The following GRM5 variants were observed in gnomAD, a reference collection of about 807,000 sequenced individuals.
GRM5 encodes glutamate metabotropic receptor 5.
In GRM5, 19 loss-of-function variants were observed where a neutral mutation model predicts 83.1. The observed-to-expected ratio is 0.23, with a 90% CI of 0.16 to 0.34. The LOEUF is 0.34. Among genes scored for constraint, GRM5 ranks in the 10% least tolerant of loss-of-function variants. The pLI is 1.00. For missense variants in GRM5, 1,160 were observed against 1,588.3 expected (o/e 0.73, Z 4.58); for synonymous variants, 675 against 633.6 (o/e 1.07, Z -0.98).
At chr11:88,969,208 CTT>C (rs892250195) in intron 2 of GRM5, among the ~76,000 whole-genome samples, 2 of 151,918 alleles carry the variant, frequency 1.3e-5, no homozygotes, top group Admixed American at 6.6e-5. Flanking sequence ...AACACCTATG[CTT>C]TAAAAAATTT....
chr11:88,598,561 AT>A (rs963333324), intron 5 of GRM5, among the ~76,000 whole-genome samples: 2 of 152,246 alleles, frequency 1.3e-5, no homozygotes, highest in Admixed American at 6.5e-5. Flanking sequence ...TAAATCAAAA[AT>A]ACCAATTTAT....
intron 2 of GRM5, among the ~76,000 whole-genome samples, chr11:89,032,867 T>G (rs114201810): frequency 0.016 from 2,366 of 152,184 alleles, 61 homozygotes; most frequent in African/African-American, 0.053. Context: ...GATCTGAAAC[T>G]TAATGAATAT....
At chr11:88,791,993 G>A (rs528624736) in intron 3 of GRM5, among the ~76,000 whole-genome samples, 58 of 152,172 alleles carry the variant, frequency 3.8e-4, no homozygotes, top group African/African-American at 1.3e-3. Context: ...CTAGGTCAAT[G>A]TAAAAGCTAG....
At position 88,593,221 on chromosome 11, in the gene GRM5, T is replaced by C. The variant is rs1005726857; in HGVS notation, c.1564-2494A>G. On this transcript the variant is annotated intron_variant, in intron 6 of 9. Coordinates refer to ENST00000305447, the MANE Select transcript of GRM5 (RefSeq NM_001143831.3). Reference sequence around the variant, plus strand: ...AGTTTACAAACTCTGGAAAATGCCATGAGATGTTGATATCATGAATGAAAT... The same window carrying C: ...AGTTTACAAACTCTGGAAAATGCCACGAGATGTTGATATCATGAATGAAAT... 2.6e-5 allele frequency among the ~76,000 whole-genome samples: 4 copies of C among 152,106 alleles called. No individual in the cohort carries two copies. The East Asian group carries it at 7.7e-4, about 29-fold the overall frequency.
At chr11:88,573,372 G>C (rs1211080152) in intron 7 of GRM5, among the ~76,000 whole-genome samples, 1 of 152,128 alleles carries the variant, frequency 6.6e-6, no homozygotes, top group Admixed American at 6.6e-5. Flanking sequence ...TAGTTTTGCA[G>C]TATTAATATT....
At chr11:88,827,005 C>T (rs12280769) in intron 3 of GRM5, among the ~76,000 whole-genome samples, 3,880 of 152,230 alleles carry the variant, frequency 0.025, 172 homozygotes, top group African/African-American at 0.089. Flanking sequence ...CAAGATTCTA[C>T]TGTAGGAAGC....
At chr11:88,891,597 A>G (rs1308173072) in intron 2 of GRM5, among the ~76,000 whole-genome samples, 2 of 4,002 alleles carry the variant, frequency 5.0e-4, no homozygotes. Flanking sequence ...TGGGATTTCT[A>G]AAATTCTAAT....
At chr11:88,772,576 T>C (rs1942761661) in intron 3 of GRM5, among the ~76,000 whole-genome samples, 1 of 152,078 alleles carries the variant, frequency 6.6e-6, no homozygotes, top group Admixed American at 6.6e-5. Context: ...ATTAGGTAGT[T>C]CTCCTAATGC....
At chr11:88,986,675 C>T (rs1337528075) in intron 2 of GRM5, among the ~76,000 whole-genome samples, 1 of 146,304 alleles carries the variant, frequency 6.8e-6, no homozygotes, top group East Asian at 2.0e-4. Context: ...TTGCTTGTTT[C>T]CTTTGCTGTA....
chr11:88,901,587 C>T (rs550163558), intron 2 of GRM5, among the ~76,000 whole-genome samples: 1 of 152,174 alleles, frequency 6.6e-6, no homozygotes, highest in Admixed American at 6.5e-5. Context: ...TAGGCTATGC[C>T]CCTTCATGTT....
At chr11:88,540,848 G>A (rs751872894) in intron 8 of GRM5, among the ~76,000 whole-genome samples, 2 of 151,906 alleles carry the variant, frequency 1.3e-5, no homozygotes, top group Non-Finnish European at 2.9e-5. Context: ...CTGGGTTCAC[G>A]CCATTCTCCT....
intron 7 of GRM5, among the ~76,000 whole-genome samples, chr11:88,590,134 A>C (rs16914284): frequency 0.018 from 2,722 of 152,324 alleles, 83 homozygotes; most frequent in African/African-American, 0.061. Context: ...AAAGCATATT[A>C]GTTGGAGACT....
At chr11:88,731,119 A>G (rs1361030579) in intron 3 of GRM5, among the ~76,000 whole-genome samples, 1 of 152,100 alleles carries the variant, frequency 6.6e-6, no homozygotes, top group Non-Finnish European at 1.5e-5. Context: ...TCCACAAAAA[A>G]TGCCATTTTT....
chr11:88,893,367 G>T (rs1172455426), intron 2 of GRM5, among the ~76,000 whole-genome samples: 1 of 151,990 alleles, frequency 6.6e-6, no homozygotes, highest in East Asian at 1.9e-4. Context: ...GAAGATTTGA[G>T]CATGTTATAG....
chr11:88,906,581 G>A (rs1014588152), intron 2 of GRM5, among the ~76,000 whole-genome samples: 1 of 152,026 alleles, frequency 6.6e-6, no homozygotes, highest in Non-Finnish European at 1.5e-5. Flanking sequence ...AATAGATGTT[G>A]GTAAGGTTTT....
rs761228941 is a variant in GRM5, at chr11:88,567,144, C to T, written c.2539G>A (p.Val847Ile). The part of the protein sequence containing the change: ...FTTSTVVRMH[V>I]GDGKSSSAAS... ...GCGGAGGATGACTTGCCATCCCCTA[C>T]ATGCATGCGCACCACGGTAGATGTG... Residue 847 changes from valine (V) to isoleucine (I), a missense_variant, in exon 8 of 10, where the codon GTA becomes ATA. Physicochemically the swap from Val to Ile is conservative, Grantham distance 29. Coordinates refer to ENST00000305447, the MANE Select transcript of GRM5 (RefSeq NM_001143831.3). This position sits in a 1 kb window ranked among gnomAD's most constrained non-coding sequence, Gnocchi z 7.3. The T allele has an allele frequency of 6.2e-6, 10 of 1,613,990 alleles. No individual in the cohort carries two copies. The highest frequency in any genetic ancestry group is 5.3e-5 in the African/African-American group (4 of 74,920).
chr11:88,756,050 C>T (rs1443188675), intron 3 of GRM5, among the ~76,000 whole-genome samples: 2 of 152,294 alleles, frequency 1.3e-5, no homozygotes, highest in African/African-American at 4.8e-5. Context: ...CTGCTCCTAG[C>T]AGCCATTTTC....
chr11:88,601,210 T>A (rs1247218447), intron 5 of GRM5, among the ~76,000 whole-genome samples: 1 of 152,182 alleles, frequency 6.6e-6, no homozygotes, highest in African/African-American at 2.4e-5. Flanking sequence ...ACCAGGACAA[T>A]CTGGACATTG....
chr11:88,760,824 C>T (rs543960167), intron 3 of GRM5, among the ~76,000 whole-genome samples: 1 of 152,180 alleles, frequency 6.6e-6, no homozygotes, highest in African/African-American at 2.4e-5. Context: ...TACTAGCAAA[C>T]CAAATCCAGC....
Sources: allele counts gnomAD v4.1 joint callset (sites outside exome capture counted in the v4.1 genomes callset), GRCh38; gene constraint gnomAD v4.1.1; non-coding constraint Gnocchi (gnomAD v3.1); transcripts MANE v1.5; gene names NCBI Gene and HGNC (gene_info 2026-07-23, HGNC 2026-07-21).